CTNNA3: variants seen among roughly 807,000 people sequenced by gnomAD.
CTNNA3 encodes catenin alpha 3.
CTNNA3 carries 76 observed loss-of-function variants against 95.7 expected under a neutral mutation model. That is an observed-to-expected ratio of 0.79 (90% CI 0.66 to 0.96). The LOEUF (loss-of-function observed/expected upper bound fraction) is 0.96. CTNNA3 is among the 40% of genes least tolerant of loss of function. The pLI is 0.00. For missense variants in CTNNA3, 1,191 were observed against 1,089.8 expected (o/e 1.09, Z -1.31); for synonymous variants, 431 against 374.4 (o/e 1.15, Z -1.74).
intron 3 of CTNNA3, among the ~76,000 whole-genome samples, chr10:67,563,699 A>G (rs1432364325): frequency 6.6e-6 from 1 of 152,160 alleles, no homozygotes; most frequent in Non-Finnish European, 1.5e-5. Flanking sequence ...ATCAGAGTGA[A>G]CAGGCAACCT....
chr10:67,285,785 G>A (rs936790571), intron 5 of CTNNA3, among the ~76,000 whole-genome samples: 1 of 152,102 alleles, frequency 6.6e-6, no homozygotes, highest in Non-Finnish European at 1.5e-5. Flanking sequence ...GTTCCTACAG[G>A]CAGGAAATGT....
Position 66,360,639 on chromosome 10 carries a change from C to CTTTCTTTCTTCCTTCCTTCCTTCCT in CTNNA3, c.1732+18512_1732+18513insAGGAAGGAAGGAAGGAAGAAAGAAA, listed in dbSNP as rs1564896022. 4.5e-3 allele frequency among the ~76,000 whole-genome samples: 255 copies of CTTTCTTTCTTCCTTCCTTCCTTCCT among 56,600 alleles called. 6 individuals carry two copies. The highest frequency in any genetic ancestry group is 0.012 in the Middle Eastern group (2 of 168). The allele number at this position is 56,600 out of a possible 152,430, so 37.1% of individuals were successfully genotyped here. ...TCTTTCTTTCTTTCTTTCTTTCTTT[C>CTTTCTTTCTTCCTTCCTTCCTTCCT]TTTCTTTCTTTCTTTCTTTCTTCCT... On this transcript the variant is annotated intron_variant, in intron 12 of 17. Transcript: ENST00000433211.
chr10:66,015,451 C>T (rs1356460588), intron 15 of CTNNA3, among the ~76,000 whole-genome samples: 1 of 152,154 alleles, frequency 6.6e-6, no homozygotes, highest in African/African-American at 2.4e-5. Flanking sequence ...TGGAACACAG[C>T]CACATTCCCC....
rs74592585 is a variant in CTNNA3 at position 67,523,610 on chromosome 10, C to T, written c.460-1649G>A. On this transcript the variant is annotated intron_variant, in intron 4 of 17. Coordinates refer to ENST00000433211, the MANE Select transcript of CTNNA3 (RefSeq NM_013266.4). ...GAAAACTCACTGATACTGACACTGACGGAGGGACTCAGACCACGTAGAAGA... is the reference window on the plus strand; with the variant it reads ...GAAAACTCACTGATACTGACACTGATGGAGGGACTCAGACCACGTAGAAGA... Among the ~76,000 whole-genome samples, 784 of 152,138 alleles carry T rather than the reference C, an allele frequency of 5.2e-3. 12 individuals carry two copies. In the East Asian group the frequency reaches 0.055, roughly 11 times the overall value.
intron 1 of CTNNA3, among the ~76,000 whole-genome samples, chr10:67,667,589 CA>C (rs1840354532): frequency 6.6e-6 from 1 of 152,112 alleles, no homozygotes; most frequent in South Asian, 2.1e-4. Context: ...CCTCAATTGT[CA>C]TTCAAAATAA....
rs147792259 is a variant in CTNNA3, at chr10:66,717,203, G to T, written c.1281+49061C>A. On this transcript the variant is annotated intron_variant, in intron 9 of 17. Coordinates refer to ENST00000433211, the MANE Select transcript of CTNNA3 (RefSeq NM_013266.4). ...GCCTGAGTTTATATAAAACCTACGC[G>T]ATAGATTTCAGACCTGCCAGCCCCC... is the stretch of plus-strand genomic sequence containing the variant. 9.1e-3 allele frequency among the ~76,000 whole-genome samples: 1,384 copies of T among 152,072 alleles called. 15 individuals carry two copies. The highest frequency in any genetic ancestry group is 0.014 in the Non-Finnish European group (921 of 67,984).
chr10:67,128,407 TGGG>T (rs1201263803), intron 7 of CTNNA3, among the ~76,000 whole-genome samples: 1 of 152,048 alleles, frequency 6.6e-6, no homozygotes, highest in Non-Finnish European at 1.5e-5. Context: ...ATCTCTCAAC[TGGG>T]AAACAATAAT....
intron 1 of CTNNA3, among the ~76,000 whole-genome samples, chr10:67,740,518 C>A (rs2133640352): frequency 1.3e-5 from 2 of 151,498 alleles, no homozygotes; most frequent in South Asian, 2.1e-4. Flanking sequence ...AGACACTTGT[C>A]AACAGAAGAC....
intron 2 of CTNNA3, among the ~76,000 whole-genome samples, chr10:67,629,399 T>C (rs1383599590): frequency 2.0e-5 from 3 of 152,116 alleles, no homozygotes; most frequent in African/African-American, 7.2e-5. Context: ...GCAGTCACCA[T>C]CCACCAGCAA....
intron 11 of CTNNA3, among the ~76,000 whole-genome samples, chr10:66,398,258 T>A (rs971232345): frequency 6.6e-6 from 1 of 151,920 alleles, no homozygotes; most frequent in Non-Finnish European, 1.5e-5. Context: ...AAGAGTGGCA[T>A]GAAAATTAAA....
At chr10:66,102,725 G>C (rs1373027976) in intron 14 of CTNNA3, among the ~76,000 whole-genome samples, 2 of 152,056 alleles carry the variant, frequency 1.3e-5, no homozygotes, top group African/African-American at 4.8e-5. Context: ...GGTGGGGTGT[G>C]TGTGTGTGTG....
intron 7 of CTNNA3, among the ~76,000 whole-genome samples, chr10:67,125,168 T>C (rs948513243): frequency 2.0e-5 from 3 of 152,146 alleles, no homozygotes; most frequent in Admixed American, 2.0e-4. Flanking sequence ...TTTAATACGT[T>C]TTTTCAATAG....
intron 10 of CTNNA3, among the ~76,000 whole-genome samples, chr10:66,595,840 G>A (rs182379482): frequency 6.6e-6 from 1 of 151,732 alleles, no homozygotes; most frequent in East Asian, 1.9e-4. Flanking sequence ...TGTAGAGACG[G>A]GTTTCACTGT....
chr10:67,125,580 C>T (rs988912712), intron 7 of CTNNA3, among the ~76,000 whole-genome samples: 1 of 152,116 alleles, frequency 6.6e-6, no homozygotes, highest in African/African-American at 2.4e-5. Context: ...ATGTCAGTAT[C>T]TCCACTTATA....
At chr10:67,247,571 T>C (rs539318801) in intron 5 of CTNNA3, among the ~76,000 whole-genome samples, 1 of 152,298 alleles carries the variant, frequency 6.6e-6, no homozygotes, top group East Asian at 1.9e-4. Flanking sequence ...TATGATGACA[T>C]TATTCCCCAA....
rs543735133 is a variant in CTNNA3 at position 67,144,795 on chromosome 10, C to T, written c.1047+35522G>A. ...AGCTGTTTTGTTTTTTAATCATTTG[C>T]ATGTTCACTGGAATAGCACTTTTAA... On this transcript the variant is annotated intron_variant, in intron 7 of 17. Coordinates refer to ENST00000433211, the MANE Select transcript of CTNNA3 (RefSeq NM_013266.4). 3.9e-5 allele frequency among the ~76,000 whole-genome samples: 6 copies of T among 152,282 alleles called. No homozygotes were observed. The East Asian group carries it at 7.7e-4, about 20-fold the overall frequency.
chr10:66,637,734 C>A (rs548611990), intron 9 of CTNNA3, among the ~76,000 whole-genome samples: 5 of 152,304 alleles, frequency 3.3e-5, no homozygotes, highest in African/African-American at 1.2e-4. Context: ...ACACAGAGTA[C>A]AAAGCGTCCT....
intron 9 of CTNNA3, among the ~76,000 whole-genome samples, chr10:66,715,918 AATT>A (rs1439139954): frequency 6.6e-6 from 1 of 151,336 alleles, no homozygotes; most frequent in African/African-American, 2.4e-5. Flanking sequence ...ACAAAAATAA[AATT>A]ATTTTTTTCA....
intron 7 of CTNNA3, among the ~76,000 whole-genome samples, chr10:67,054,224 G>T (rs541468807): frequency 2.0e-5 from 3 of 152,150 alleles, no homozygotes; most frequent in African/African-American, 7.2e-5. Flanking sequence ...TAAAAAGGCT[G>T]TACCCCAATA....
Sources: allele counts gnomAD v4.1 joint callset (sites outside exome capture counted in the v4.1 genomes callset), GRCh38; gene constraint gnomAD v4.1.1; transcripts MANE v1.5; gene names NCBI Gene and HGNC (gene_info 2026-07-23, HGNC 2026-07-21).